The following THBS4 variants were observed in gnomAD, a reference collection of about 807,000 sequenced individuals.
THBS4 encodes thrombospondin-4.
In THBS4, 90 loss-of-function variants were observed where a neutral mutation model predicts 115.7. That is an observed-to-expected ratio of 0.78 (90% CI 0.66 to 0.93). The LOEUF is 0.93. THBS4 is among the 40% of genes least tolerant of loss of function. The probability of loss-of-function intolerance (pLI) is 0.00; values close to 1 mark genes in which losing one functional copy is unlikely to be tolerated. For missense variants in THBS4, 1,087 were observed against 1,232.7 expected (o/e 0.88, Z 1.77); for synonymous variants, 460 against 479.3 (o/e 0.96, Z 0.53).
intron 1 of THBS4, among the ~76,000 whole-genome samples, chr5:79,996,849 A>G (rs1023042331): frequency 6.6e-6 from 1 of 152,108 alleles, no homozygotes; most frequent in Non-Finnish European, 1.5e-5. Context: ...GGAAATAAGG[A>G]CCTTATAATG....
rs749560253 is a variant in THBS4 at position 80,071,071 on chromosome 5, T to C, written c.1611T>C (p.Asp537=). Residue 537 remains aspartate, a synonymous_variant, in exon 13 of 22, where the codon GAT becomes GAC. Coordinates refer to ENST00000350881, the MANE Select transcript of THBS4 (RefSeq NM_003248.6). ...TGGACCAAAGGAACAGCGATAAAGA[T>C]ATCTTTGGGGATGCCTGTGATAACT... ...HNVDQRNSDK[D]IFGDACDNCL... The C allele has an allele frequency of 3.7e-6, 6 of 1,613,016 alleles. No homozygotes were observed. Among genetic ancestry groups the C allele is most frequent in the Admixed American group, 3.4e-5 (2 of 59,650 alleles).
chr5:80,027,698 C>T (rs1832505077), intron 2 of THBS4, among the ~76,000 whole-genome samples: 1 of 151,918 alleles, frequency 6.6e-6, no homozygotes, highest in African/African-American at 2.4e-5. Context: ...GAGTTCAAGA[C>T]CAGCCTAGGC....
At chr5:80,041,693 A>G (rs1405612286) in intron 2 of THBS4, among the ~76,000 whole-genome samples, 1 of 152,016 alleles carries the variant, frequency 6.6e-6, no homozygotes, top group Non-Finnish European at 1.5e-5. Flanking sequence ...AATGGTCACT[A>G]TTTTTCATTG....
At chr5:79,995,087 T>A (rs1002622535) in intron 1 of THBS4, among the ~76,000 whole-genome samples, 1 of 152,182 alleles carries the variant, frequency 6.6e-6, no homozygotes, top group African/African-American at 2.4e-5. Context: ...CTGGGTTTGG[T>A]TATAAGCTGG....
intron 2 of THBS4, among the ~76,000 whole-genome samples, chr5:80,010,904 G>T (rs1273420928): frequency 6.6e-6 from 1 of 152,248 alleles, no homozygotes; most frequent in East Asian, 1.9e-4. Context: ...CTGTCAGCCA[G>T]TAGCCTTGCA....
intron 2 of THBS4, among the ~76,000 whole-genome samples, chr5:80,048,496 C>T (rs1449717988): frequency 6.6e-6 from 1 of 152,088 alleles, no homozygotes; most frequent in Non-Finnish European, 1.5e-5. Flanking sequence ...GTAACATGAC[C>T]TTGGGCTTCT....
In THBS4 at chr5:80,071,219, G is replaced by A. The variant is rs200760669; in HGVS notation, c.1720+39G>A. 5 of 1,551,170 alleles carry A rather than the reference G, an allele frequency of 3.2e-6. No individual in the cohort carries two copies. In the East Asian group the frequency reaches 9.2e-5, roughly 28 times the overall value. On this transcript the variant is annotated intron_variant, in intron 13 of 21. Coordinates refer to ENST00000350881, the MANE Select transcript of THBS4 (RefSeq NM_003248.6). Reference sequence around the variant, plus strand: ...GCTTTTGTCTTTTATTTGGAATTCAGTTGACCTTGTTCCATTGTTCTCTGA... The same window carrying A: ...GCTTTTGTCTTTTATTTGGAATTCAATTGACCTTGTTCCATTGTTCTCTGA...
At chr5:80,013,174 C>T (rs550781109) in intron 2 of THBS4, among the ~76,000 whole-genome samples, 29 of 152,296 alleles carry the variant, frequency 1.9e-4, no homozygotes, top group African/African-American at 7.0e-4. Flanking sequence ...GAGTCTCGCT[C>T]TGTCACCCAG....
chr5:80,072,153 G>A (rs895266884), intron 13 of THBS4, 125 bp from the exon 14 acceptor site: 5 of 791,616 alleles, frequency 6.3e-6, no homozygotes, highest in African/African-American at 5.1e-5. Context: ...GATAACTGCA[G>A]AAAAGGGTAG....
At chr5:80,073,711 C>T (rs1007289844) in intron 15 of THBS4, among the ~76,000 whole-genome samples, 1 of 152,150 alleles carries the variant, frequency 6.6e-6, no homozygotes, top group Admixed American at 6.6e-5. Flanking sequence ...TTCAGAACTT[C>T]CTGCTGCTCC....
chr5:80,067,918 A>G, intron 9 of THBS4, 55 bp from the exon 10 acceptor site: 1 of 1,596,492 alleles, frequency 6.3e-7, no homozygotes, highest in Non-Finnish European at 8.5e-7. Flanking sequence ...CCTTTGCTCA[A>G]ACTGTACCTT....
intron 8 of THBS4, among the ~76,000 whole-genome samples, chr5:80,065,003 T>C (rs546434275): frequency 6.6e-6 from 1 of 152,102 alleles, no homozygotes; most frequent in East Asian, 1.9e-4. Context: ...TTCATCCAAT[T>C]GTAGTTCCAA....
chr5:80,057,371 CTCAT>C (rs996412057), intron 3 of THBS4, among the ~76,000 whole-genome samples: 3 of 152,212 alleles, frequency 2.0e-5, no homozygotes, highest in African/African-American at 7.2e-5. Flanking sequence ...CACCTACTCA[CTCAT>C]TCAGTCAGTC....
chr5:80,055,760 T>C (rs764192062), intron 2 of THBS4, 25 bp from the exon 3 acceptor site: 1 of 1,599,908 alleles, frequency 6.3e-7, no homozygotes, highest in South Asian at 1.1e-5. Context: ...TATCACACCA[T>C]TGGTTGACCT....
At chr5:80,066,126 C>G (rs1034242107) in intron 9 of THBS4, among the ~76,000 whole-genome samples, 1 of 146,170 alleles carries the variant, frequency 6.8e-6, no homozygotes, top group Admixed American at 6.8e-5. Context: ...CTTTTCAAAA[C>G]TTTTCATTGT....
chr5:80,054,512 G>A (rs1833360510), intron 2 of THBS4, among the ~76,000 whole-genome samples: 1 of 151,870 alleles, frequency 6.6e-6, no homozygotes, highest in Non-Finnish European at 1.5e-5. Flanking sequence ...CTAGAGACGG[G>A]GTTTCACCAT....
chr5:80,083,027 G>T, intron 21 of THBS4, 53 bp from the exon 22 acceptor site: 1 of 1,548,354 alleles, frequency 6.5e-7, no homozygotes. Flanking sequence ...GGGGGTCCGG[G>T]GTCCGGGGTG....
chr5:79,999,269 GT>G (rs1407123463), intron 2 of THBS4, among the ~76,000 whole-genome samples: 2 of 152,146 alleles, frequency 1.3e-5, no homozygotes, highest in Non-Finnish European at 2.9e-5. Flanking sequence ...CCCATTAACA[GT>G]TTATAGCTTA....
intron 14 of THBS4, 193 bp downstream of exon 14, chr5:80,072,589 G>A (rs966861626): frequency 1.7e-6 from 1 of 599,504 alleles, no homozygotes; most frequent in Non-Finnish European, 3.0e-6. Context: ...TGAAGCCCTA[G>A]GGACTATCTC....
Sources: allele counts gnomAD v4.1 joint callset (sites outside exome capture counted in the v4.1 genomes callset), GRCh38; gene constraint gnomAD v4.1.1; transcripts MANE v1.5; gene names NCBI Gene and HGNC (gene_info 2026-07-23, HGNC 2026-07-21).